The following LRRC9 variants were observed in gnomAD, a reference collection of about 807,000 sequenced individuals.
The protein encoded by LRRC9 is leucine-rich repeat-containing protein 9.
A neutral mutation model predicts 63.2 loss-of-function variants in LRRC9; 122 were observed. The observed-to-expected ratio is 1.93, with a 90% CI of 1.67 to 2.24. The LOEUF (loss-of-function observed/expected upper bound fraction) is 2.24. Among genes scored for constraint, LRRC9 ranks in the 30% most tolerant of loss-of-function variants. The pLI is 0.00. For synonymous variants in LRRC9, 366 were observed against 213.1 expected (o/e 1.72, Z -6.25); for missense variants, 1,071 against 627.7 (o/e 1.71, Z -7.55).
In LRRC9 at chr14:60,003,853, G is replaced by GA; in HGVS notation, c.2842+55_2842+56insA. On this transcript the variant is annotated intron_variant, in intron 21 of 31. Coordinates refer to ENST00000445360, the Ensembl canonical transcript of LRRC9. The surrounding 1 kb of genome is among the most constrained non-coding windows in gnomAD (Gnocchi z 4.2). ...AAATATGGGATGTCTAAACAACAAA[G>GA]CAAAAAATAACCCTGGGAACAGAGT... The GA allele has an allele frequency of 1.9e-6, 1 of 538,968 alleles. No individual in the cohort carries two copies. Among genetic ancestry groups the GA allele is most frequent in the Non-Finnish European group, 3.3e-6 (1 of 306,628 alleles). 33.4% of individuals were successfully genotyped at this position (538,968 alleles called of 1,614,324 possible). A position where few individuals can be genotyped will look rare whatever the true frequency, so the allele number is the denominator to read the frequency against.
At chr14:60,065,042 C>T (rs1364272578), downstream of LRRC9, among the ~76,000 whole-genome samples, 2 of 152,132 alleles carry the variant, frequency 1.3e-5, no homozygotes, top group Non-Finnish European at 2.9e-5. Context: ...TTTATGTACA[C>T]ATTGTTAAAT....
chr14:60,038,356 C>T (rs1030949172), intron 29 of LRRC9, among the ~76,000 whole-genome samples: 1 of 152,118 alleles, frequency 6.6e-6, no homozygotes, highest in South Asian at 2.1e-4. Context: ...TTACATTGGG[C>T]AGTATGGCCA....
chr14:59,998,738 A>G (rs1394462936), intron 18 of LRRC9, among the ~76,000 whole-genome samples: 1 of 152,084 alleles, frequency 6.6e-6, no homozygotes, highest in Non-Finnish European at 1.5e-5. Flanking sequence ...TCTGTTGCCA[A>G]ATTGGATTGT....
intron 26 of LRRC9, among the ~76,000 whole-genome samples, chr14:60,021,268 G>A (rs895766435): frequency 1.3e-5 from 2 of 151,792 alleles, no homozygotes; most frequent in African/African-American, 4.8e-5. Context: ...TGTTTCATAT[G>A]CTTATTAATC....
rs776153394 is a variant in LRRC9 at position 59,927,815 on chromosome 14, A to G, written c.-33-96A>G. On this transcript the variant is annotated intron_variant, in intron 1 of 31. Transcript: ENST00000445360. This position sits in a 1 kb window ranked among gnomAD's most constrained non-coding sequence, Gnocchi z 4.4. ...ATACTATGTGAAGATTTCAAACTACAGTTGGGTGGTTCAACCTCAGTAGCT... is the reference window on the plus strand; with the variant it reads ...ATACTATGTGAAGATTTCAAACTACGGTTGGGTGGTTCAACCTCAGTAGCT... 2.0e-6 allele frequency: 1 copy of G among 512,038 alleles called. No individual in the cohort carries two copies. Among genetic ancestry groups the G allele is most frequent in the Non-Finnish European group, 3.4e-6 (1 of 291,922 alleles). 31.7% of individuals were successfully genotyped at this position (512,038 alleles called of 1,614,324 possible).
At position 59,928,322 on chromosome 14, in the gene LRRC9, T is replaced by A. The variant is rs1241246976; in HGVS notation, c.103T>A (p.Ser35Thr). Residue 35 changes from serine (S) to threonine (T), a missense_variant, in exon 3 of 32, where the codon TCA becomes ACA. Physicochemically the swap from Ser to Thr is moderately conservative, Grantham distance 58. Transcript: ENST00000445360. ...GGTTGGACAAGAAGGATCAGATACA[T>A]CAAAGTTGGAGATGTTTTTCTTAGG... 3 of 671,406 alleles carry A rather than the reference T, an allele frequency of 4.5e-6. No homozygotes were observed. The South Asian group carries it at 5.0e-5, about 11-fold the overall frequency. The allele number at this position is 671,406 out of a possible 1,614,324, so 41.6% of individuals were successfully genotyped here. A position where few individuals can be genotyped will look rare whatever the true frequency, so the allele number is the denominator to read the frequency against.
intron 12 of LRRC9, among the ~76,000 whole-genome samples, chr14:59,972,542 C>T (rs1400723977): frequency 6.6e-6 from 1 of 151,962 alleles, no homozygotes; most frequent in Admixed American, 6.6e-5. Context: ...ATGTAAAAAT[C>T]CTTCTAGTTT....
chr14:60,039,764 T>C (rs910386452), intron 29 of LRRC9, among the ~76,000 whole-genome samples: 3 of 152,198 alleles, frequency 2.0e-5, no homozygotes, highest in Non-Finnish European at 4.4e-5. Flanking sequence ...TCTATCTCCT[T>C]CATTTCTGCT....
intron 17 of LRRC9, among the ~76,000 whole-genome samples, chr14:59,988,768 C>A (rs1887748986): frequency 6.6e-6 from 1 of 152,108 alleles, no homozygotes; most frequent in African/African-American, 2.4e-5. Context: ...TACTTCTCAT[C>A]ACCAGTCTTT....
rs186585606 is a variant in LRRC9, at chr14:60,042,255, G to A, written c.3990+10192G>A. On this transcript the variant is annotated intron_variant, in intron 29 of 31. Transcript: ENST00000445360. This position sits in a 1 kb window ranked among gnomAD's most constrained non-coding sequence, Gnocchi z 4.2. Reference sequence around the variant, plus strand: ...TCAGATCTCAAACTCCATGCTGGGAGAAGCACTACTCTCTTCAAAGCTGTC... The same window carrying A: ...TCAGATCTCAAACTCCATGCTGGGAAAAGCACTACTCTCTTCAAAGCTGTC... Among the ~76,000 whole-genome samples, 176 of 152,330 alleles carry A rather than the reference G, an allele frequency of 1.2e-3. 5 individuals are homozygous for A. The East Asian group carries it at 0.03, about 26-fold the overall frequency.
intron 8 of LRRC9, among the ~76,000 whole-genome samples, chr14:59,945,273 G>T (rs1376763754): frequency 6.6e-6 from 1 of 151,806 alleles, no homozygotes; most frequent in Non-Finnish European, 1.5e-5. Context: ...TTTACTAAAA[G>T]TAGACCCTGA....
chr14:59,954,311 AT>A (rs916710386), intron 8 of LRRC9, among the ~76,000 whole-genome samples: 24 of 151,804 alleles, frequency 1.6e-4, no homozygotes, highest in Non-Finnish European at 2.8e-4. Flanking sequence ...ATGTTTTTCC[AT>A]TTTTTTTGTG....
chr14:59,975,149 A>G lies in LRRC9; in HGVS notation c.1639+441A>G, dbSNP rs868571780. Among the ~76,000 whole-genome samples, 77 of 29,344 alleles carry G rather than the reference A, an allele frequency of 2.6e-3. 16 individuals carry two copies. In the Middle Eastern group the frequency reaches 0.064, roughly 24 times the overall value. 19.3% of individuals were successfully genotyped at this position (29,344 alleles called of 152,430 possible). ...TATGTATATATATATACATATATAT[A>G]TGTATATATATATATGTATATATAT... On this transcript the variant is annotated intron_variant, in intron 13 of 31. Transcript: ENST00000445360.
At chr14:59,951,543 A>C (rs1249197679) in intron 8 of LRRC9, among the ~76,000 whole-genome samples, 1 of 146,148 alleles carries the variant, frequency 6.8e-6, no homozygotes, top group African/African-American at 2.6e-5. Flanking sequence ...GCTGGTGAGG[A>C]ACTGCGTTCC....
intron 7 of LRRC9, among the ~76,000 whole-genome samples, chr14:59,940,411 G>C (rs1284619787): frequency 3.3e-5 from 5 of 152,104 alleles, no homozygotes; most frequent in African/African-American, 1.2e-4. Context: ...CTTGAACAGA[G>C]TGCTATTGAT....
At chr14:60,063,501 A>G in exon 32 of LRRC9, 1 of 615,712 alleles carries the variant, frequency 1.6e-6, no homozygotes. Flanking sequence ...TCAGTTCCAT[A>G]TGAAGATAAT....
chr14:59,970,301 A>G (rs554278467), intron 12 of LRRC9, among the ~76,000 whole-genome samples: 1 of 152,202 alleles, frequency 6.6e-6, no homozygotes, highest in Admixed American at 6.6e-5. Flanking sequence ...ATAGTATTCC[A>G]TGGTGTACAT....
At chr14:60,014,272 T>C (rs572763907) in intron 23 of LRRC9, among the ~76,000 whole-genome samples, 2 of 152,082 alleles carry the variant, frequency 1.3e-5, no homozygotes, top group South Asian at 4.1e-4. Context: ...GACAATATTA[T>C]AGTTTTTTCA....
intron 1 of LRRC9, among the ~76,000 whole-genome samples, chr14:59,925,221 G>A (rs185403619): frequency 4.6e-4 from 70 of 152,084 alleles, no homozygotes; most frequent in South Asian, 2.1e-4. Flanking sequence ...CAGTGTCTTC[G>A]TCCATTTTGT....
Sources: allele counts gnomAD v4.1 joint callset (sites outside exome capture counted in the v4.1 genomes callset), GRCh38; gene constraint gnomAD v4.1.1; non-coding constraint Gnocchi (gnomAD v3.1); transcripts MANE v1.5; gene names NCBI Gene and HGNC (gene_info 2026-07-23, HGNC 2026-07-21).